The following CA10 variants were observed in gnomAD, a reference collection of about 807,000 sequenced individuals.
CA10 encodes carbonic anhydrase 10 (inactive).
CA10 carries 14 observed loss-of-function variants against 44.2 expected under a neutral mutation model. The ratio of observed to expected loss-of-function variants is 0.32; its 90% CI spans 0.21 to 0.50. CA10 has a LOEUF of 0.50. CA10 is among the 20% of genes least tolerant of loss of function. The pLI, the probability that CA10 is intolerant of heterozygous loss-of-function variation, is 0.99. For synonymous variants in CA10, 159 were observed against 141.6 expected, an observed-to-expected ratio of 1.12 and a Z score of -0.87; for missense variants, 350 against 409.7, an observed-to-expected ratio of 0.85 and a Z score of 1.26.
intron 4 of CA10, among the ~76,000 whole-genome samples, chr17:51,727,108 A>G (rs770482364): frequency 3.2e-4 from 49 of 152,152 alleles, no homozygotes; most frequent in Non-Finnish European, 5.9e-4. Context: ...CCTCCACACC[A>G]TCTTGGGGGA....
intron 3 of CA10, among the ~76,000 whole-genome samples, chr17:51,905,772 GGCTA>G (rs1288389015): frequency 2.6e-5 from 4 of 151,836 alleles, no homozygotes; most frequent in Non-Finnish European, 1.5e-5. Context: ...CCACATTCAG[GGCTA>G]GCTATTTTAT....
intron 3 of CA10, among the ~76,000 whole-genome samples, chr17:51,766,456 A>G (rs925722308): frequency 2.6e-5 from 4 of 152,116 alleles, no homozygotes; most frequent in African/African-American, 9.7e-5. Context: ...GCAACATAGT[A>G]GGAGAAAGGA....
chr17:51,754,399 T>TGA (rs1283273805), intron 3 of CA10, among the ~76,000 whole-genome samples: 1 of 80,234 alleles, frequency 1.2e-5, no homozygotes, highest in Non-Finnish European at 2.4e-5. Context: ...TGTGTGTGTG[T>TGA]GATATATATA....
chr17:52,053,762 A>G (rs148950561), intron 2 of CA10, among the ~76,000 whole-genome samples: 7 of 152,202 alleles, frequency 4.6e-5, no homozygotes, highest in African/African-American at 1.4e-4. Flanking sequence ...TAAATTGTGA[A>G]GATTTCATGG....
At chr17:51,866,638 C>T (rs558490014) in intron 3 of CA10, among the ~76,000 whole-genome samples, 50 of 152,300 alleles carry the variant, frequency 3.3e-4, no homozygotes, top group Non-Finnish European at 5.0e-4. Flanking sequence ...TCAAGATACC[C>T]GCTCGACTTT....
intron 4 of CA10, among the ~76,000 whole-genome samples, chr17:51,666,767 TA>T (rs1567795454): frequency 1.3e-5 from 2 of 152,148 alleles, no homozygotes; most frequent in Admixed American, 6.5e-5. Flanking sequence ...TTTTTTAAAA[TA>T]AAAAAGCAAA....
intron 3 of CA10, among the ~76,000 whole-genome samples, chr17:51,927,797 T>C (rs1317574544): frequency 6.6e-6 from 1 of 152,192 alleles, no homozygotes; most frequent in Non-Finnish European, 1.5e-5. Context: ...ATAATCAAAC[T>C]TCTTCATATA....
intron 4 of CA10, among the ~76,000 whole-genome samples, chr17:51,706,589 A>ACAGC (rs1301267918): frequency 6.6e-6 from 1 of 152,188 alleles, no homozygotes; most frequent in African/African-American, 2.4e-5. Flanking sequence ...CTCTTGGCTA[A>ACAGC]CAGCCAGAAA....
At chr17:51,711,644 G>A (rs1915945761) in intron 4 of CA10, among the ~76,000 whole-genome samples, 1 of 152,224 alleles carries the variant, frequency 6.6e-6, no homozygotes, top group Admixed American at 6.5e-5. Context: ...GGGGAAGGAG[G>A]AAAGCGGGAC....
At chr17:52,083,959 T>C (rs563174148) in intron 1 of CA10, among the ~76,000 whole-genome samples, 2 of 152,326 alleles carry the variant, frequency 1.3e-5, no homozygotes, top group South Asian at 2.1e-4. Context: ...TGGTAGTCTA[T>C]TTTTAGTTAC....
At chr17:52,053,563 T>G (rs779379248) in intron 2 of CA10, among the ~76,000 whole-genome samples, 30 of 151,974 alleles carry the variant, frequency 2.0e-4, no homozygotes, top group Non-Finnish European at 3.7e-4. Flanking sequence ...TTTAAGAAGG[T>G]AACAGAAGTC....
intron 4 of CA10, among the ~76,000 whole-genome samples, chr17:51,688,954 A>G (rs1668378006): frequency 6.6e-6 from 1 of 152,226 alleles, no homozygotes; most frequent in African/African-American, 2.4e-5. Flanking sequence ...TGTAATTGTT[A>G]CAATAACCCT....
chr17:52,078,153 C>A (rs1441503605), intron 1 of CA10, among the ~76,000 whole-genome samples: 1 of 152,172 alleles, frequency 6.6e-6, no homozygotes, highest in Non-Finnish European at 1.5e-5. Context: ...AACTTAGGTT[C>A]AGAGAAAACA....
rs537391158 is a variant in CA10 at position 52,157,921 on chromosome 17, G to T, written c.-135C>A. The T allele has an allele frequency of 4.0e-6, 3 of 740,784 alleles. No individual in the cohort carries two copies. The highest frequency in any genetic ancestry group is 1.5e-5 in the South Asian group (1 of 66,244). 45.9% of individuals were successfully genotyped at this position (740,784 alleles called of 1,614,324 possible). ...CACTCGCACTCCCACCCGACAGCCG[G>T]CCAGGGACAGTCACCCCCAAGATCA... On this transcript the variant is annotated 5_prime_UTR_variant, in exon 1 of 9. Coordinates refer to ENST00000451037, the MANE Select transcript of CA10 (RefSeq NM_020178.5).
intron 2 of CA10, among the ~76,000 whole-genome samples, chr17:51,938,881 AG>A (rs1982967379): frequency 6.6e-6 from 1 of 152,098 alleles, no homozygotes; most frequent in African/African-American, 2.4e-5. Flanking sequence ...TGACTTTCTA[AG>A]GTCACCTGGC....
intron 2 of CA10, among the ~76,000 whole-genome samples, chr17:51,980,248 T>C (rs1984607704): frequency 6.6e-6 from 1 of 152,178 alleles, no homozygotes; most frequent in Admixed American, 6.6e-5. Flanking sequence ...TGGTATTTCA[T>C]TGTGGTTTTC....
At chr17:52,037,069 C>G (rs1986639869) in intron 2 of CA10, among the ~76,000 whole-genome samples, 1 of 151,850 alleles carries the variant, frequency 6.6e-6, no homozygotes, top group Admixed American at 6.6e-5. Context: ...ATGTGGTAAC[C>G]AAGAATTGGG....
intron 2 of CA10, among the ~76,000 whole-genome samples, chr17:52,041,471 A>T (rs966269465): frequency 6.6e-6 from 1 of 152,122 alleles, no homozygotes; most frequent in Non-Finnish European, 1.5e-5. Flanking sequence ...TAAAAATTGT[A>T]TATATTTAAG....
At chr17:52,066,487 G>T (rs573256522) in intron 2 of CA10, among the ~76,000 whole-genome samples, 11 of 152,284 alleles carry the variant, frequency 7.2e-5, no homozygotes, top group African/African-American at 2.4e-4. Context: ...CCACCATACT[G>T]TTCTTGTAGT....
Sources: allele counts gnomAD v4.1 joint callset (sites outside exome capture counted in the v4.1 genomes callset), GRCh38; gene constraint gnomAD v4.1.1; transcripts MANE v1.5; gene names NCBI Gene and HGNC (gene_info 2026-07-23, HGNC 2026-07-21).